FANCB: variants seen among roughly 807,000 people sequenced by gnomAD.
FANCB encodes the protein FA complementation group B, also known as Fanconi anemia group B protein.
FANCB carries 5 observed loss-of-function variants against 38.9 expected under a neutral mutation model. The observed-to-expected ratio is 0.13, with a 90% CI of 0.07 to 0.27. The LOEUF (loss-of-function observed/expected upper bound fraction) is 0.27. FANCB is among the 10% of genes least tolerant of loss of function. The probability of loss-of-function intolerance (pLI) is 1.00; values close to 1 mark genes in which losing one functional copy is unlikely to be tolerated. For missense variants in FANCB, 573 were observed against 602.7 expected (o/e 0.95, Z 0.52); for synonymous variants, 236 against 215.4 (o/e 1.10, Z -0.84).
chrX:14,737,397 C>T, the FANCB span, among the ~76,000 whole-genome samples: 1 of 111,943 alleles, frequency 8.9e-6, no homozygotes, highest in African/African-American at 3.3e-5. Context: ...ACAATGTTTA[C>T]GGCCTTTTAA....
chrX:14,743,063 T>C, the FANCB span, among the ~76,000 whole-genome samples: 1 of 112,507 alleles, frequency 8.9e-6, no homozygotes, highest in Non-Finnish European at 1.9e-5. Context: ...TCAGAGAGAC[T>C]AGCACGGAGT....
downstream of FANCB, chrX:14,834,842 A>G: frequency 1.8e-6 from 1 of 565,932 alleles, no homozygotes; most frequent in East Asian, 3.3e-5. Flanking sequence ...CATCTTCATC[A>G]GCAACAAGTT....
the FANCB span, among the ~76,000 whole-genome samples, chrX:14,820,467 C>T: frequency 0.023 from 2,516 of 111,777 alleles, 62 homozygotes; most frequent in African/African-American, 0.078. Flanking sequence ...TTGTCCATGT[C>T]ATTTGTTCTT....
At chrX:14,766,741 T>C in the FANCB span, among the ~76,000 whole-genome samples, 2 of 110,656 alleles carry the variant, frequency 1.8e-5, no homozygotes, top group Non-Finnish European at 3.8e-5. Context: ...GTTTGTTATA[T>C]AGGTAAACAT....
the FANCB span, among the ~76,000 whole-genome samples, chrX:14,814,715 GT>G: frequency 4.5e-4 from 51 of 112,280 alleles, no homozygotes; most frequent in Admixed American, 3.3e-3. Context: ...CTTTTACACT[GT>G]TGGTGGGAAC....
chrX:14,801,885 G>A, the FANCB span, among the ~76,000 whole-genome samples: 1 of 110,835 alleles, frequency 9.0e-6, no homozygotes, highest in African/African-American at 3.3e-5. Context: ...CTCTAGTCCC[G>A]AGAAAACATA....
At chrX:14,861,286 T>C (rs1465488223) in intron 3 of FANCB, among the ~76,000 whole-genome samples, 2 of 112,256 alleles carry the variant, frequency 1.8e-5, no homozygotes, top group Admixed American at 9.4e-5. Context: ...AAGTTAATCA[T>C]GTATTCCTTT....
chrX:14,714,976 A>G, the FANCB span, among the ~76,000 whole-genome samples: 1 of 112,329 alleles, frequency 8.9e-6, no homozygotes, highest in South Asian at 3.7e-4. Context: ...GTTAACTGAT[A>G]AGATCGAAAT....
intron 5 of FANCB, among the ~76,000 whole-genome samples, chrX:14,857,615 T>G (rs909403234): frequency 1.8e-5 from 2 of 111,853 alleles, no homozygotes; most frequent in African/African-American, 6.5e-5. Flanking sequence ...GTGAGCTGCT[T>G]CTATTTTGTC....
In FANCB at chrX:14,865,461, C is replaced by T; in HGVS notation, c.50G>A (p.Cys17Tyr). 1 of 1,209,606 alleles carries T rather than the reference C, an allele frequency of 8.3e-7. No individual in the cohort carries two copies. The highest frequency in any genetic ancestry group is 1.1e-6 in the Non-Finnish European group (1 of 894,519). ...GAAAACAAGGACTTCCCCATTATAA[C>T]ACAAGAGCCTTTCTTGTTCGTTAGA... is the stretch of plus-strand genomic sequence containing the variant. The part of the protein sequence containing the change: ...MSSNEQERLL[C>Y]YNGEVLVFQL... The change falls in exon 3 of 10, where the codon TGT (cysteine) becomes TAT (tyrosine). Residue 17 changes from cysteine (C) to tyrosine (Y), a missense_variant. Physicochemically the swap from Cys to Tyr is radical, Grantham distance 194. Transcript: ENST00000650831.
the FANCB span, among the ~76,000 whole-genome samples, chrX:14,813,026 A>C: frequency 3.0e-5 from 3 of 98,690 alleles, no homozygotes. Context: ...CAAATCAATA[A>C]ATGTAATCCA....
At chrX:14,740,801 T>C in the FANCB span, among the ~76,000 whole-genome samples, 7 of 112,201 alleles carry the variant, frequency 6.2e-5, no homozygotes, top group African/African-American at 2.3e-4. Flanking sequence ...AATGCCTTCT[T>C]ATCAGAGAAG....
At chrX:14,830,711 G>GT in the FANCB span, among the ~76,000 whole-genome samples, 1 of 111,556 alleles carries the variant, frequency 9.0e-6, no homozygotes, top group Non-Finnish European at 1.9e-5. Context: ...GGTCACCTAT[G>GT]TAAAAAAGCT....
the FANCB span, among the ~76,000 whole-genome samples, chrX:14,815,001 T>C: frequency 1.8e-5 from 2 of 111,551 alleles, no homozygotes; most frequent in African/African-American, 6.5e-5. Flanking sequence ...TAAAAGAGGA[T>C]GAGTTCATGT....
intron 2 of FANCB, among the ~76,000 whole-genome samples, chrX:14,867,280 T>C (rs1394211853): frequency 2.7e-5 from 3 of 111,456 alleles, no homozygotes; most frequent in African/African-American, 9.8e-5. Flanking sequence ...GCCAAAGCAA[T>C]ACTGAGCAAA....
chrX:14,756,010 G>T, the FANCB span, among the ~76,000 whole-genome samples: 1 of 111,765 alleles, frequency 8.9e-6, no homozygotes, highest in African/African-American at 3.2e-5. Context: ...ACAGAATAGA[G>T]AAATAAATTT....
chrX:14,815,017 G>T, the FANCB span, among the ~76,000 whole-genome samples: 4 of 111,600 alleles, frequency 3.6e-5, no homozygotes, highest in African/African-American at 1.3e-4. Flanking sequence ...CATGTCCTTT[G>T]TAAGGACATG....
At chrX:14,721,061 AG>A in the FANCB span, among the ~76,000 whole-genome samples, 1 of 106,452 alleles carries the variant, frequency 9.4e-6, no homozygotes, top group African/African-American at 3.5e-5. Context: ...TCGAGGCTGC[AG>A]TGAGCTGTGA....
the FANCB span, among the ~76,000 whole-genome samples, chrX:14,725,190 C>T: frequency 1.8e-5 from 2 of 111,854 alleles, no homozygotes; most frequent in African/African-American, 6.5e-5. Context: ...ATGGTACAGA[C>T]TCTTAATAAA....
Sources: gnomAD v4.1 joint callset for allele counts (sites outside exome capture counted in the v4.1 genomes callset) on GRCh38, gnomAD v4.1.1 for gene constraint, MANE v1.5 for transcripts, NCBI Gene and HGNC (gene_info 2026-07-23, HGNC 2026-07-21) for gene names.